The following SPECC1L variants were observed in gnomAD, a reference collection of about 807,000 sequenced individuals.
SPECC1L encodes cytospin-A.
A neutral mutation model predicts 116.8 loss-of-function variants in SPECC1L; 40 were observed. That is an observed-to-expected ratio of 0.34 (90% CI 0.27 to 0.45). The LOEUF (loss-of-function observed/expected upper bound fraction) is 0.45, where lower values mean the gene tolerates loss of function less well. Among genes scored for constraint, SPECC1L ranks in the 20% least tolerant of loss-of-function variants. The probability of loss-of-function intolerance (pLI) is 1.00; values close to 1 mark genes in which losing one functional copy is unlikely to be tolerated. For missense variants in SPECC1L, 1,110 were observed against 1,373.6 expected, an observed-to-expected ratio of 0.81 and a Z score of 3.03; for synonymous variants, 504 against 500.6, an observed-to-expected ratio of 1.01 and a Z score of -0.09.
At chr22:24,362,031 T>C (rs538767165) in intron 11 of SPECC1L, among the ~76,000 whole-genome samples, 2 of 152,226 alleles carry the variant, frequency 1.3e-5, no homozygotes, top group African/African-American at 2.4e-5. Flanking sequence ...TAAAAAGGAT[T>C]GGTGGACATT....
chr22:24,391,714 TTG>T (rs1485404522), intron 14 of SPECC1L, among the ~76,000 whole-genome samples: 16 of 152,286 alleles, frequency 1.1e-4, no homozygotes, highest in South Asian at 1.0e-3. Flanking sequence ...GATGTACCTG[TTG>T]TTACTTCACC....
At chr22:24,329,569 G>A (rs909175383) in intron 7 of SPECC1L, among the ~76,000 whole-genome samples, 3 of 152,154 alleles carry the variant, frequency 2.0e-5, no homozygotes, top group African/African-American at 4.8e-5. Flanking sequence ...CTTTCATGGT[G>A]TAAGAAAATT....
chr22:24,358,700 C>T (rs1002700706), intron 11 of SPECC1L, among the ~76,000 whole-genome samples: 1 of 152,144 alleles, frequency 6.6e-6, no homozygotes, highest in Non-Finnish European at 1.5e-5. Context: ...CAGGATATGT[C>T]GTCTAGTTCT....
At chr22:24,401,768 C>T (rs989502126) in intron 14 of SPECC1L, among the ~76,000 whole-genome samples, 5 of 152,210 alleles carry the variant, frequency 3.3e-5, no homozygotes, top group African/African-American at 1.2e-4. Flanking sequence ...TTCCTGTTGG[C>T]TGTGGATTCA....
chr22:24,333,105 G>C (rs2040971403), intron 8 of SPECC1L, among the ~76,000 whole-genome samples: 1 of 152,188 alleles, frequency 6.6e-6, no homozygotes, highest in South Asian at 2.1e-4. Context: ...GCACATGCCT[G>C]TAATCCCAGC....
At chr22:24,371,880 C>T (rs900018496) in intron 14 of SPECC1L, among the ~76,000 whole-genome samples, 2 of 152,200 alleles carry the variant, frequency 1.3e-5, no homozygotes, top group African/African-American at 4.8e-5. Context: ...TGCTATCATG[C>T]CCAGCTAATT....
chr22:24,401,983 G>A (rs1328463368), intron 14 of SPECC1L, among the ~76,000 whole-genome samples: 4 of 152,030 alleles, frequency 2.6e-5, no homozygotes, highest in African/African-American at 9.6e-5. Context: ...CACCTCGGCC[G>A]CCTGCCCTAC....
At position 24,322,004 on chromosome 22, in the gene SPECC1L, A is replaced by G. The variant is rs754533880; in HGVS notation, c.1024A>G (p.Met342Val). 5.6e-6 allele frequency: 9 copies of G among 1,614,096 alleles called. No individual in the cohort carries two copies. The highest frequency in any genetic ancestry group is 3.3e-5 in the Admixed American group (2 of 60,012). ...TLMDHQHSNS[M>V]DNLDSECSEV... ...AATGGACCATCAGCACAGTAACTCC[A>G]TGGACAATTTAGACAGTGAGTGCAG... Residue 342 changes from methionine to valine, a missense_variant, in exon 5 of 17, where the codon ATG becomes GTG. By Grantham distance (21) the Met-to-Val change is conservative. Transcript: ENST00000314328.
intron 14 of SPECC1L, among the ~76,000 whole-genome samples, chr22:24,377,895 T>G (rs2042000074): frequency 6.6e-6 from 1 of 152,208 alleles, no homozygotes; most frequent in African/African-American, 2.4e-5. Context: ...TTAAGGGCCC[T>G]AGGATTGTGG....
chr22:24,340,720 C>T (rs1479751893), intron 10 of SPECC1L, among the ~76,000 whole-genome samples: 2 of 152,058 alleles, frequency 1.3e-5, no homozygotes, highest in Non-Finnish European at 2.9e-5. Flanking sequence ...TAGTACAGTG[C>T]GTCTCAAACC....
chr22:24,296,083 G>A (rs4049944), intron 2 of SPECC1L, among the ~76,000 whole-genome samples: 1 of 151,264 alleles, frequency 6.6e-6, no homozygotes, highest in Non-Finnish European at 1.5e-5. Context: ...GAGATCAAAA[G>A]CTGGCATTCC....
At position 24,338,495 on chromosome 22, in the gene SPECC1L, C is replaced by T. The variant is rs1012981283; in HGVS notation, c.2652+18C>T. 9 of 1,610,942 alleles carry T rather than the reference C, an allele frequency of 5.6e-6. No homozygotes were observed. Among genetic ancestry groups the T allele is most frequent in the African/African-American group, 1.3e-5 (1 of 74,854 alleles). ...CTATGCAGGTGAGTGCCTGGAACCA[C>T]AGGAGGCTCTTAGAGCCTCAGAATC... On this transcript the variant is annotated intron_variant, in intron 10 of 16. Coordinates refer to ENST00000314328, the MANE Select transcript of SPECC1L (RefSeq NM_015330.6).
At position 24,379,304 on chromosome 22, in the gene SPECC1L, C is replaced by T. The variant is rs184579627; in HGVS notation, c.3087+9984C>T. Among the ~76,000 whole-genome samples the T allele has an allele frequency of 7.9e-5, 12 of 151,432 alleles. 1 individual carries two copies. The highest frequency in any genetic ancestry group is 1.3e-4 in the Admixed American group (2 of 15,208). On this transcript the variant is annotated intron_variant, in intron 14 of 16. Coordinates refer to ENST00000314328, the MANE Select transcript of SPECC1L (RefSeq NM_015330.6). ...GCTGAGGCAGGAGGATTACTTGAGC[C>T]GGGAAGTTGAGGCTGCTGTGAGCCA... is the stretch of plus-strand genomic sequence containing the variant.
intron 14 of SPECC1L, among the ~76,000 whole-genome samples, chr22:24,393,050 G>A (rs1056256021): frequency 6.6e-6 from 1 of 152,200 alleles, no homozygotes; most frequent in African/African-American, 2.4e-5. Context: ...CACAGTCTTG[G>A]AAGCCATGCA....
At chr22:24,279,570 A>AATT (rs56978503) in intron 2 of SPECC1L, among the ~76,000 whole-genome samples, 11,334 of 150,492 alleles carry the variant, frequency 0.075, 1,124 homozygotes, top group African/African-American at 0.23. Flanking sequence ...TTATTTTTTT[A>AATT]ATTATTATTA....
intron 14 of SPECC1L, among the ~76,000 whole-genome samples, chr22:24,410,820 G>A (rs2146816978): frequency 6.6e-6 from 1 of 152,286 alleles, no homozygotes; most frequent in South Asian, 2.1e-4. Context: ...GATACACCCT[G>A]ACTTGGAGGA....
intron 14 of SPECC1L, among the ~76,000 whole-genome samples, chr22:24,409,241 T>C (rs576089365): frequency 5.3e-5 from 8 of 152,248 alleles, no homozygotes; most frequent in South Asian, 4.1e-4. Context: ...ACGGTTTGCA[T>C]TGAATAATAA....
At chr22:24,402,779 C>G (rs916388840) in intron 14 of SPECC1L, among the ~76,000 whole-genome samples, 1 of 152,176 alleles carries the variant, frequency 6.6e-6, no homozygotes, top group Non-Finnish European at 1.5e-5. Flanking sequence ...CTTAAATAGA[C>G]CAGAACCTTA....
Position 24,411,592 on chromosome 22 carries a change from T to C in SPECC1L, c.3092T>C (p.Ile1031Thr). The C allele has an allele frequency of 6.2e-7, 1 of 1,613,910 alleles. No individual in the cohort carries two copies. The highest frequency in any genetic ancestry group is 8.5e-7 in the Non-Finnish European group (1 of 1,179,760). ...CQKKTEGYQNIDITNFSSSWN... is the reference protein window; with the variant it reads ...CQKKTEGYQNTDITNFSSSWN... ...GTTTTTCTTCCTTTCCTTCAGAATA[T>C]TGACATTACAAACTTCAGCAGCAGC... Residue 1031 changes from isoleucine to threonine, a missense_variant, in exon 15 of 17, where the codon ATT (isoleucine) becomes ACT (threonine). Physicochemically the swap from Ile to Thr is moderately conservative, Grantham distance 89. Around this residue, in one of 4 missense-constraint regions of SPECC1L, gnomAD observed 76 missense variants for 148.5 expected, o/e 0.51. Coordinates refer to ENST00000314328, the MANE Select transcript of SPECC1L (RefSeq NM_015330.6).
Sources: gnomAD v4.1 joint callset for allele counts (sites outside exome capture counted in the v4.1 genomes callset) on GRCh38, gnomAD v4.1.1 for gene constraint, gnomAD v4.1.1 regional missense constraint, MANE v1.5 for transcripts, NCBI Gene and HGNC (gene_info 2026-07-23, HGNC 2026-07-21) for gene names.